SPINK5: variants seen among roughly 807,000 people sequenced by gnomAD.
The protein encoded by SPINK5 is serine protease inhibitor Kazal-type 5.
In SPINK5, 125 loss-of-function variants were observed where a neutral mutation model predicts 151.8. That is an observed-to-expected ratio of 0.82 (90% CI 0.71 to 0.96). SPINK5 has a LOEUF of 0.96. Ranked by LOEUF, SPINK5 falls within the 40% of genes least tolerant of loss-of-function variation. SPINK5 has a pLI of 0.00. For synonymous variants in SPINK5, 374 were observed against 395.3 expected (o/e 0.95, Z 0.64); for missense variants, 1,194 against 1,291.9 (o/e 0.92, Z 1.16).
chr5:148,117,928 A>G (rs1451996898), intron 22 of SPINK5, among the ~76,000 whole-genome samples: 2 of 101,004 alleles, frequency 2.0e-5, no homozygotes, highest in African/African-American at 7.5e-5. Context: ...CAACATTAGT[A>G]GCCATGACAA....
intron 28 of SPINK5, 64 bp from the exon 29 acceptor site, chr5:148,125,659 T>G: frequency 2.5e-6 from 4 of 1,614,132 alleles, no homozygotes; most frequent in Non-Finnish European, 3.4e-6. Flanking sequence ...AAAACCAAGT[T>G]TGAAGAAATC....
intron 21 of SPINK5, 78 bp from the exon 22 acceptor site, chr5:148,116,292 A>G (rs1391724186): frequency 4.9e-5 from 70 of 1,416,952 alleles, no homozygotes; most frequent in Non-Finnish European, 6.7e-5. Flanking sequence ...TGATTTGTTC[A>G]TATAATGAGA....
chr5:148,094,259 C>T lies in SPINK5; in HGVS notation c.667-95C>T, dbSNP rs150203033. The T allele has an allele frequency of 1.2e-4, 166 of 1,380,460 alleles. No homozygotes were observed. In the East Asian group the frequency reaches 3.7e-3, roughly 30 times the overall value. The allele number at this position is 1,380,460 out of a possible 1,614,324, so 85.5% of individuals were successfully genotyped here. A position where few individuals can be genotyped will look rare whatever the true frequency, so the allele number is the denominator to read the frequency against. ...TCACTGAGCTATGATCATTCCCCTG[C>T]AATCCACCCTGCGCAATGCAGCAAA... is the stretch of plus-strand genomic sequence containing the variant. On this transcript the variant is annotated intron_variant, in intron 8 of 32. Coordinates refer to ENST00000256084, the MANE Select transcript of SPINK5 (RefSeq NM_006846.4).
At chr5:148,065,395 A>G (rs775243825) in intron 2 of SPINK5, 23 bp downstream of exon 2, 5 of 1,612,926 alleles carry the variant, frequency 3.1e-6, no homozygotes, top group South Asian at 1.1e-5. Flanking sequence ...TTTTCTGTTC[A>G]TTGAATTCAT....
intron 2 of SPINK5, among the ~76,000 whole-genome samples, chr5:148,066,019 T>A (rs1289908940): frequency 2.0e-5 from 3 of 152,156 alleles, no homozygotes; most frequent in African/African-American, 7.2e-5. Flanking sequence ...ATAGGATCCC[T>A]GAGAATGGAG....
Position 148,064,043 on chromosome 5 carries a change from A to G in SPINK5, c.-2A>G. 2 of 1,614,206 alleles carry G rather than the reference A, an allele frequency of 1.2e-6. No homozygotes were observed. The highest frequency in any genetic ancestry group is 1.7e-6 in the Non-Finnish European group (2 of 1,180,028). Reference sequence around the variant, plus strand: ...CTGTAGGCGACTTGCATCGTCTTCAACATGAAGATAGCCACAGTGTCAGTG... The same window carrying G: ...CTGTAGGCGACTTGCATCGTCTTCAGCATGAAGATAGCCACAGTGTCAGTG... On this transcript the variant is annotated 5_prime_UTR_variant, in exon 1 of 33. Transcript: ENST00000256084.
At chr5:148,080,015 T>C (rs1394215097) in intron 4 of SPINK5, among the ~76,000 whole-genome samples, 1 of 151,034 alleles carries the variant, frequency 6.6e-6, no homozygotes, top group Non-Finnish European at 1.5e-5. Context: ...GTTCTAGGGA[T>C]CCACAAAAAG....
chr5:148,094,837 C>T (rs7706457), intron 9 of SPINK5, among the ~76,000 whole-genome samples: 8,511 of 151,836 alleles, frequency 0.056, 757 homozygotes, highest in African/African-American at 0.19. Context: ...AGTAATTATC[C>T]CATGGTAACA....
intron 2 of SPINK5, 97 bp from the exon 3 acceptor site, chr5:148,070,226 T>C (rs557622209): frequency 1.2e-4 from 170 of 1,421,238 alleles, no homozygotes; most frequent in Middle Eastern, 4.9e-4. Flanking sequence ...TGTGTGTATA[T>C]ATATGCAGAC....
intron 4 of SPINK5, among the ~76,000 whole-genome samples, chr5:148,079,493 CAG>C (rs769194700): frequency 2.7e-5 from 4 of 150,852 alleles, no homozygotes; most frequent in Non-Finnish European, 5.9e-5. Flanking sequence ...TAAACATAGA[CAG>C]AAAAATCCTT....
rs1752557185 is a variant in SPINK5, at chr5:148,065,497, T to C, written c.81+125T>C. 3 of 1,036,562 alleles carry C rather than the reference T, an allele frequency of 2.9e-6. No homozygotes were observed. In the Admixed American group the frequency reaches 6.1e-5, roughly 21 times the overall value. 64.2% of individuals were successfully genotyped at this position (1,036,562 alleles called of 1,614,324 possible). A position where few individuals can be genotyped will look rare whatever the true frequency, so the allele number is the denominator to read the frequency against. Reference sequence around the variant, plus strand: ...ACTGGTAGGTACTAATAGCTTTTGTTAAAAACACAGAAACAGATTTTTATG... The same window carrying C: ...ACTGGTAGGTACTAATAGCTTTTGTCAAAAACACAGAAACAGATTTTTATG... On this transcript the variant is annotated intron_variant, in intron 2 of 32. Transcript: ENST00000256084.
intron 31 of SPINK5, 58 bp from the exon 32 acceptor site, chr5:148,133,739 T>G (rs1561710076): frequency 1.9e-6 from 3 of 1,570,440 alleles, no homozygotes; most frequent in Non-Finnish European, 2.6e-6. Context: ...TCCTTATTTA[T>G]TTTCTTATTA....
chr5:148,124,046 T>C, intron 27 of SPINK5, 86 bp downstream of exon 27: 1 of 1,460,938 alleles, frequency 6.8e-7, no homozygotes, highest in Non-Finnish European at 9.4e-7. Context: ...CCTAAGATAC[T>C]TGGCATCACA....
At chr5:148,064,314 T>C (rs1752519838) in intron 1 of SPINK5, among the ~76,000 whole-genome samples, 2 of 152,352 alleles carry the variant, frequency 1.3e-5, no homozygotes, top group South Asian at 2.1e-4. Flanking sequence ...ATAATCTGAA[T>C]TTTCTAACCA....
At chr5:148,116,030 C>T (rs1382168241) in intron 21 of SPINK5, among the ~76,000 whole-genome samples, 1 of 151,990 alleles carries the variant, frequency 6.6e-6, no homozygotes, top group Non-Finnish European at 1.5e-5. Context: ...CCATGTTGGC[C>T]AGACTGGTCT....
At chr5:148,111,670 C>CA in intron 18 of SPINK5, 98 bp from the exon 19 acceptor site, 1 of 1,570,364 alleles carries the variant, frequency 6.4e-7, no homozygotes, top group Non-Finnish European at 8.7e-7. Flanking sequence ...CTTTTCCATG[C>CA]AATCATTATG....
At chr5:148,097,781 T>A in intron 10 of SPINK5, 86 bp from the exon 11 acceptor site, 1 of 1,399,284 alleles carries the variant, frequency 7.1e-7, no homozygotes, top group Non-Finnish European at 9.7e-7. Context: ...CATCCTTAAT[T>A]TCTCTTTTTT....
chr5:148,090,083 C>T (rs62388362), intron 7 of SPINK5, among the ~76,000 whole-genome samples: 1 of 151,660 alleles, frequency 6.6e-6, no homozygotes, highest in African/African-American at 2.4e-5. Flanking sequence ...AAAAGTGGAA[C>T]GCGGATCATT....
chr5:148,095,885 A>G lies in SPINK5; in HGVS notation c.862A>G (p.Lys288Glu), dbSNP rs1356133737. ...QNLGKAEEKT[K>E]VKREIVKLCS... The stretch of plus-strand genomic sequence containing the variant: ...TTTGGGAAAAGCTGAAGAAAAAACT[A>G]AAGTTAAAAGAGAAATTGTGGTGAG... The change falls in exon 10 of 33, where the codon AAA (lysine) becomes GAA (glutamate). Residue 288 changes from lysine to glutamate, a missense_variant. Lys to Glu is a moderately conservative substitution (Grantham distance 56, BLOSUM62 1). Transcript: ENST00000256084. 3.1e-6 allele frequency: 5 copies of G among 1,612,104 alleles called. No individual in the cohort carries two copies. The highest frequency in any genetic ancestry group is 2.2e-5 in the East Asian group (1 of 44,788).
Sources: gnomAD v4.1 joint callset for allele counts (sites outside exome capture counted in the v4.1 genomes callset) on GRCh38, gnomAD v4.1.1 for gene constraint, MANE v1.5 for transcripts, NCBI Gene and HGNC (gene_info 2026-07-23, HGNC 2026-07-21) for gene names.